The following TWNK variants were observed in gnomAD, a reference collection of about 807,000 sequenced individuals.
The protein encoded by TWNK is twinkle mtDNA helicase, also known as T7 gp4-like protein with intramitochondrial nucleoid localization.
TWNK carries 36 observed loss-of-function variants against 58.2 expected under a neutral mutation model. The observed-to-expected ratio is 0.62, with a 90% confidence interval of 0.47 to 0.82. The LOEUF is 0.82. Among genes scored for constraint, TWNK ranks in the 40% least tolerant of loss-of-function variants. TWNK has a pLI of 0.00. For missense variants in TWNK, 714 were observed against 881.0 expected (o/e 0.81, Z 2.40); for synonymous variants, 349 against 348.5 (o/e 1.00, Z -0.02).
intron 4 of TWNK, among the ~76,000 whole-genome samples, chr10:100,992,466 C>T (rs1377363105): frequency 4.8e-5 from 7 of 146,820 alleles, no homozygotes; most frequent in Admixed American, 6.9e-5. Flanking sequence ...CCGTCCGCCT[C>T]GGCCTCCCAA....
In TWNK at chr10:100,989,480, G is replaced by C; in HGVS notation, c.1243+27G>C. The C allele has an allele frequency of 6.2e-7, 1 of 1,612,452 alleles. No homozygotes were observed. The highest frequency in any genetic ancestry group is 8.5e-7 in the Non-Finnish European group (1 of 1,179,918). On this transcript the variant is annotated intron_variant, in intron 1 of 4. Coordinates refer to ENST00000311916, the MANE Select transcript of TWNK (RefSeq NM_021830.5). The surrounding 1 kb of genome is among the most constrained non-coding windows in gnomAD (Gnocchi z 7.6). ...TAACCCTTTGAGAAATCACTACTTA[G>C]AGTAAAGGGGCAGAAGATCAGGTGA...
At chr10:100,991,784 G>A (rs1171755972) in intron 4 of TWNK, among the ~76,000 whole-genome samples, 2 of 151,660 alleles carry the variant, frequency 1.3e-5, no homozygotes, top group Non-Finnish European at 1.5e-5. Context: ...AGGCCAAGGC[G>A]GGTGGATCAC....
chr10:100,989,105 G>C lies in TWNK; in HGVS notation c.895G>C (p.Glu299Gln). 1 of 1,612,716 alleles carries C rather than the reference G, an allele frequency of 6.2e-7. No homozygotes were observed. Among genetic ancestry groups the C allele is most frequent in the Non-Finnish European group, 8.5e-7 (1 of 1,178,896 alleles). The change falls in exon 1 of 5, where the codon GAA becomes CAA. Residue 299 changes from glutamate to glutamine, a missense_variant. Coordinates refer to ENST00000311916, the MANE Select transcript of TWNK (RefSeq NM_021830.5). The surrounding 1 kb of genome is among the most constrained non-coding windows in gnomAD (Gnocchi z 7.6). Reference sequence around the variant, plus strand: ...ACCCCCTGCCTTACTCCCTTACCTGGAACAGTTCCGGCGGATTGTATTCTG... The same window carrying C: ...ACCCCCTGCCTTACTCCCTTACCTGCAACAGTTCCGGCGGATTGTATTCTG... ...CLPPALLPYL[E>Q]QFRRIVFWLG...
chr10:100,993,098 C>A, intron 4 of TWNK, 92 bp from the exon 5 acceptor site: 1 of 1,379,470 alleles, frequency 7.2e-7, no homozygotes, highest in Non-Finnish European at 1.0e-6. Context: ...TCTCCCCATT[C>A]TTATCACTCC....
In TWNK at chr10:100,987,723, G is replaced by T; in HGVS notation, c.-488G>T. On this transcript the variant is annotated 5_prime_UTR_variant, in exon 1 of 5. Transcript: ENST00000311916. ...CCTTTGGGCCGGGGGATTGGCGGGA[G>T]TCGTGCTGGGTGCTCTCGCCGTGTT... 1 of 588,142 alleles carries T rather than the reference G, an allele frequency of 1.7e-6. No homozygotes were observed. The highest frequency in any genetic ancestry group is 3.0e-6 in the Non-Finnish European group (1 of 333,350). 36.4% of individuals were successfully genotyped at this position (588,142 alleles called of 1,614,324 possible).
Position 100,988,041 on chromosome 10 carries a change from A to G in TWNK, c.-170A>G. 1.3e-6 allele frequency: 1 copy of G among 786,702 alleles called. No individual in the cohort carries two copies. Among genetic ancestry groups the G allele is most frequent in the Non-Finnish European group, 2.2e-6 (1 of 462,384 alleles). 48.7% of individuals were successfully genotyped at this position (786,702 alleles called of 1,614,324 possible). On this transcript the variant is annotated 5_prime_UTR_variant, in exon 1 of 5. Coordinates refer to ENST00000311916, the MANE Select transcript of TWNK (RefSeq NM_021830.5). The surrounding 1 kb of genome is among the most constrained non-coding windows in gnomAD (Gnocchi z 5.2). Reference sequence around the variant, plus strand: ...GTCGTGTAGATGGGCATATGTGTGAAGCAGCAACGTAGAGGGGCTGAAGAG... The same window carrying G: ...GTCGTGTAGATGGGCATATGTGTGAGGCAGCAACGTAGAGGGGCTGAAGAG...
chr10:100,993,307 C>G lies in TWNK; in HGVS notation c.1852C>G (p.Pro618Ala), dbSNP rs1279054541. Residue 618 changes from proline (P) to alanine (A), a missense_variant, in exon 5 of 5, where the codon CCG becomes GCG. By Grantham distance (27) the Pro-to-Ala change is conservative. Transcript: ENST00000311916. ...NRFDGDVGVF[P>A]LEFNKNSLTF... ...CTTTGATGGAGATGTAGGTGTCTTC[C>G]CGCTTGAGTTCAACAAGAACTCCCT... is the stretch of plus-strand genomic sequence containing the variant. 1 of 1,614,198 alleles carries G rather than the reference C, an allele frequency of 6.2e-7. No homozygotes were observed. The highest frequency in any genetic ancestry group is 1.1e-5 in the South Asian group (1 of 91,088).
chr10:100,987,702 T>C lies in TWNK; in HGVS notation c.-509T>C. 1 of 590,366 alleles carries C rather than the reference T, an allele frequency of 1.7e-6. No homozygotes were observed. Among genetic ancestry groups the C allele is most frequent in the Non-Finnish European group, 3.0e-6 (1 of 335,000 alleles). 36.6% of individuals were successfully genotyped at this position (590,366 alleles called of 1,614,324 possible). ...GGGAGGATAGAGACTGGCATTCCTT[T>C]GGGCCGGGGGATTGGCGGGAGTCGT... On this transcript the variant is annotated 5_prime_UTR_variant, in exon 1 of 5. Coordinates refer to ENST00000311916, the MANE Select transcript of TWNK (RefSeq NM_021830.5).
chr10:100,988,643 G>A lies in TWNK; in HGVS notation c.433G>A (p.Ala145Thr). Residue 145 changes from alanine (A) to threonine (T), a missense_variant, in exon 1 of 5, where the codon GCA (alanine) becomes ACA (threonine). Ala to Thr is a moderately conservative substitution (Grantham distance 58). This residue lies in a region of TWNK where 348 missense variants were observed against 388.4 expected (regional missense o/e 0.90). Coordinates refer to ENST00000311916, the MANE Select transcript of TWNK (RefSeq NM_021830.5). The surrounding 1 kb of genome is among the most constrained non-coding windows in gnomAD (Gnocchi z 5.2). ...GAREGFLLSK[A>T]PEFEDSEEVR... is the part of the protein sequence containing the mutation. ...CAGGGAGGGGTTTCTGCTTAGCAAGGCACCAGAATTTGAGGACAGCGAGGA... is the reference window on the plus strand; with the variant it reads ...CAGGGAGGGGTTTCTGCTTAGCAAGACACCAGAATTTGAGGACAGCGAGGA... 2 of 1,614,014 alleles carry A rather than the reference G, an allele frequency of 1.2e-6. No individual in the cohort carries two copies. The highest frequency in any genetic ancestry group is 1.7e-6 in the Non-Finnish European group (2 of 1,180,018).
intron 3 of TWNK, 75 bp from the exon 4 acceptor site, chr10:100,990,794 G>T (rs1238410954): frequency 1.3e-6 from 2 of 1,592,552 alleles, no homozygotes; most frequent in African/African-American, 1.3e-5. Flanking sequence ...GGGGAGATGT[G>T]AATGGATCAA....
Position 100,989,215 on chromosome 10 carries a change from A to G in TWNK, c.1005A>G (p.Pro335=). 1.2e-6 allele frequency: 2 copies of G among 1,614,182 alleles called. No homozygotes were observed. Among genetic ancestry groups the G allele is most frequent in the Non-Finnish European group, 1.7e-6 (2 of 1,180,032 alleles). The change falls in exon 1 of 5, where the codon CCA becomes CCG. Residue 335 remains proline (P), a synonymous_variant. Transcript: ENST00000311916. This position sits in a 1 kb window ranked among gnomAD's most constrained non-coding sequence, Gnocchi z 7.6. ...CCAAACGATGCTTCTTGGTGCGACCAGGAGACCAGCAACCCCGTCCCCTGG... is the reference window on the plus strand; with the variant it reads ...CCAAACGATGCTTCTTGGTGCGACCGGGAGACCAGCAACCCCGTCCCCTGG... ...LNPKRCFLVR[P]GDQQPRPLEA...
Position 100,990,181 on chromosome 10 carries a change from C to T in TWNK, c.1485-255C>T, listed in dbSNP as rs2863096. Among the ~76,000 whole-genome samples the T allele has an allele frequency of 0.01, 650 of 64,004 alleles. 6 individuals are homozygous for T. Among genetic ancestry groups the T allele is most frequent in the African/African-American group, 0.021 (632 of 30,802 alleles). The allele number at this position is 64,004 out of a possible 152,430, so 42.0% of individuals were successfully genotyped here. A position where few individuals can be genotyped will look rare whatever the true frequency, so the allele number is the denominator to read the frequency against. ...AAAATTAGGCTGGGCATGGTGATGG[C>T]ATATGCCTGTGGTCCCAGCTACTCA... On this transcript the variant is annotated intron_variant, in intron 2 of 4. Transcript: ENST00000311916.
chr10:100,992,618 A>G (rs1851813641), intron 4 of TWNK, among the ~76,000 whole-genome samples: 1 of 147,438 alleles, frequency 6.8e-6, no homozygotes, highest in African/African-American at 2.5e-5. Context: ...GCTGAGGTTG[A>G]GTGGGGTGGC....
Position 100,990,520 on chromosome 10 carries a change from T to G in TWNK, c.1569T>G (p.Gly523=). 1 of 1,614,172 alleles carries G rather than the reference T, an allele frequency of 6.2e-7. No individual in the cohort carries two copies. Among genetic ancestry groups the G allele is most frequent in the Non-Finnish European group, 8.5e-7 (1 of 1,180,006 alleles). ...TCGACAACCTGCAGTTCATGATGGG[T>G]CACGAGCAGCTGTCCACAGACAGGT... ...VIIDNLQFMM[G]HEQLSTDRIA... is the part of the protein sequence containing the mutation. The change falls in exon 3 of 5, where the codon GGT becomes GGG. Residue 523 remains glycine (G), a synonymous_variant. Transcript: ENST00000311916.
Position 100,993,703 on chromosome 10 carries a change from C to A in TWNK, c.*193C>A. The A allele has an allele frequency of 1.5e-6, 1 of 655,744 alleles. No homozygotes were observed. The highest frequency in any genetic ancestry group is 2.6e-6 in the Non-Finnish European group (1 of 379,866). 40.6% of individuals were successfully genotyped at this position (655,744 alleles called of 1,614,324 possible). On this transcript the variant is annotated 3_prime_UTR_variant, in exon 5 of 5. Coordinates refer to ENST00000311916, the MANE Select transcript of TWNK (RefSeq NM_021830.5). ...CTGAGAAACTACTGTGTTGCTCAGG[C>A]TTTGTTTGAGGTCCTGTATATACAG...
chr10:100,991,821 C>G (rs943437610), intron 4 of TWNK, among the ~76,000 whole-genome samples: 2 of 149,760 alleles, frequency 1.3e-5, no homozygotes, highest in African/African-American at 4.9e-5. Context: ...GACTATCTTG[C>G]TAACATGGTG....
rs62626272 is a variant in TWNK at position 100,990,478 on chromosome 10, C to T, written c.1527C>T (p.Asp509=). 1.5e-4 allele frequency: 238 copies of T among 1,614,184 alleles called. No individual in the cohort carries two copies. The East Asian group carries it at 4.7e-3, about 32-fold the overall frequency. ...DTMQHAVYVY[D]ICHVIIDNLQ... is the part of the protein sequence containing the mutation. Reference sequence around the variant, plus strand: ...TGCAACATGCAGTCTACGTCTATGACATTTGTCATGTGATCATCGACAACC... The same window carrying T: ...TGCAACATGCAGTCTACGTCTATGATATTTGTCATGTGATCATCGACAACC... The change falls in exon 3 of 5, where the codon GAC becomes GAT. Residue 509 remains aspartate (D), a synonymous_variant. Coordinates refer to ENST00000311916, the MANE Select transcript of TWNK (RefSeq NM_021830.5).
chr10:100,991,035 A>G (rs777715374), intron 4 of TWNK, 25 bp downstream of exon 4: 3 of 1,613,858 alleles, frequency 1.9e-6, no homozygotes, highest in East Asian at 2.2e-5. Context: ...GCGGAGCTCA[A>G]GCTTTGGAAA....
intron 2 of TWNK, 47 bp from the exon 3 acceptor site, chr10:100,990,389 G>A: frequency 7.3e-7 from 1 of 1,361,914 alleles, no homozygotes. Flanking sequence ...TCTGCCTGGG[G>A]TGGTCTAGAG....
Sources: allele counts gnomAD v4.1 joint callset (sites outside exome capture counted in the v4.1 genomes callset), GRCh38; gene constraint gnomAD v4.1.1; regional missense constraint gnomAD v4.1.1; non-coding constraint Gnocchi (gnomAD v3.1); transcripts MANE v1.5; gene names NCBI Gene and HGNC (gene_info 2026-07-23, HGNC 2026-07-21).